The following FRMD4B variants were observed in gnomAD, a reference collection of about 807,000 sequenced individuals.
FRMD4B encodes FERM domain-containing protein 4B.
In FRMD4B, 74 loss-of-function variants were observed where a neutral mutation model predicts 141.5. The ratio of observed to expected loss-of-function variants is 0.52; its 90% CI spans 0.43 to 0.63. The LOEUF (loss-of-function observed/expected upper bound fraction) is 0.63. Among genes scored for constraint, FRMD4B ranks in the 30% least tolerant of loss-of-function variants. The probability of loss-of-function intolerance (pLI) is 0.00; values close to 1 mark genes in which losing one functional copy is unlikely to be tolerated. For synonymous variants in FRMD4B, 506 were observed against 467.9 expected (o/e 1.08, Z -1.05); for missense variants, 1,366 against 1,253.4 (o/e 1.09, Z -1.36).
intron 10 of FRMD4B, 74 bp from the exon 11 acceptor site, chr3:69,216,423 T>C: frequency 1.4e-6 from 1 of 690,140 alleles, no homozygotes; most frequent in African/African-American, 1.8e-5. Context: ...TTTACCAATT[T>C]CACCTCTTTT....
At position 69,181,001 on chromosome 3, in the gene FRMD4B, G is replaced by T. The variant is rs753553130; in HGVS notation, c.2749C>A (p.Gln917Lys). 1 of 1,614,022 alleles carries T rather than the reference G, an allele frequency of 6.2e-7. No homozygotes were observed. Among genetic ancestry groups the T allele is most frequent in the Non-Finnish European group, 8.5e-7 (1 of 1,179,866 alleles). ...CCCCTGTCTGAGTCAAAGCTGGTCT[G>T]CGGGCTGTGTCCCTGATCCTTCTGC... is the stretch of plus-strand genomic sequence containing the variant. ...SGQKDQGHSP[Q>K]TSFDSDRGSQ... Residue 917 changes from glutamine to lysine, a missense_variant, in exon 21 of 23, where the codon CAG becomes AAG. Transcript: ENST00000398540.
Position 69,458,876 on chromosome 3 carries a change from A to G in FRMD4B, c.-128-26115T>C, listed in dbSNP as rs988791196. ...AAAAAAAAAAAAAAAAAAAAAAAGG[A>G]GTCTAATTTGCTCCAAAGACCCACC... On this transcript the variant is annotated intron_variant, in intron 1 of 5. Transcript: ENST00000459638. 1.3e-3 allele frequency among the ~76,000 whole-genome samples: 182 copies of G among 138,352 alleles called. 2 individuals are homozygous for G. The highest frequency in any genetic ancestry group is 4.4e-3 in the African/African-American group (164 of 36,876). The allele number at this position is 138,352 out of a possible 152,430, so 90.8% of individuals were successfully genotyped here. A position where few individuals can be genotyped will look rare whatever the true frequency, so the allele number is the denominator to read the frequency against.
intron 5 of FRMD4B, among the ~76,000 whole-genome samples, chr3:69,250,932 G>A (rs79015725): frequency 0.03 from 4,513 of 151,398 alleles, 253 homozygotes; most frequent in African/African-American, 0.1. Flanking sequence ...TACCAAAAAA[G>A]AAAAAAGCTT....
intron 9 of FRMD4B, among the ~76,000 whole-genome samples, chr3:69,219,830 T>C (rs1369938684): frequency 6.6e-6 from 1 of 152,190 alleles, no homozygotes; most frequent in East Asian, 1.9e-4. Flanking sequence ...TCTCCATGTG[T>C]TCTCATTGTT....
At chr3:69,447,415 G>A (rs1705425672) in intron 1 of FRMD4B, among the ~76,000 whole-genome samples, 1 of 152,026 alleles carries the variant, frequency 6.6e-6, no homozygotes, top group Non-Finnish European at 1.5e-5. Flanking sequence ...ATTGAAGAAG[G>A]CATTTAAAAA....
At chr3:69,444,060 C>G (rs9868298) in intron 1 of FRMD4B, among the ~76,000 whole-genome samples, 1,579 of 152,334 alleles carry the variant, frequency 0.01, 27 homozygotes, top group African/African-American at 0.035. Context: ...CACCCAGAGG[C>G]TGACAGCACA....
rs7641024 is a variant in FRMD4B at position 69,180,213 on chromosome 3, T to C, written c.2851+686A>G. ...GAGTTTGAGACCAGCCTGGGCAACA[T>C]AGCAAGACCCAACCTAAGCCTCCTT... On this transcript the variant is annotated intron_variant, in intron 21 of 22. Coordinates refer to ENST00000398540, the MANE Select transcript of FRMD4B (RefSeq NM_015123.3). Among the ~76,000 whole-genome samples, 316 of 119,516 alleles carry C rather than the reference T, an allele frequency of 2.6e-3. 2 individuals are homozygous for C. The highest frequency in any genetic ancestry group is 0.011 in the African/African-American group (298 of 28,226). 78.4% of individuals were successfully genotyped at this position (119,516 alleles called of 152,430 possible). A position where few individuals can be genotyped will look rare whatever the true frequency, so the allele number is the denominator to read the frequency against.
At chr3:69,227,908 TG>T (rs2093269873) in intron 7 of FRMD4B, among the ~76,000 whole-genome samples, 1 of 149,686 alleles carries the variant, frequency 6.7e-6, no homozygotes, top group African/African-American at 2.5e-5. Context: ...GGGGAAACAG[TG>T]GGGGTGGGGA....
intron 2 of FRMD4B, among the ~76,000 whole-genome samples, chr3:69,415,064 C>T (rs1321732027): frequency 6.6e-6 from 1 of 151,648 alleles, no homozygotes; most frequent in Non-Finnish European, 1.5e-5. Context: ...TGGGGTTTCA[C>T]TATGTTGGTC....
chr3:69,520,806 A>G (rs994192057), intron 1 of FRMD4B, among the ~76,000 whole-genome samples: 1 of 152,094 alleles, frequency 6.6e-6, no homozygotes, highest in Non-Finnish European at 1.5e-5. Context: ...CAGGCACCCA[A>G]GCTCTTAGAC....
chr3:69,353,161 A>G lies in FRMD4B; in HGVS notation c.162+32667T>C, dbSNP rs529872973. On this transcript the variant is annotated intron_variant, in intron 1 of 22. Transcript: ENST00000398540. ...GGAAAGGGTGATGAAGTGGAATTAC[A>G]TACTTCATATTTGCCAAAGTTCTAA... Among the ~76,000 whole-genome samples the G allele has an allele frequency of 3.6e-4, 55 of 152,284 alleles. No individual in the cohort carries two copies. The East Asian group carries it at 0.01, about 29-fold the overall frequency.
At chr3:69,187,552 A>T (rs4593035) in intron 19 of FRMD4B, among the ~76,000 whole-genome samples, 124,835 of 143,614 alleles carry the variant, frequency 0.87, 56,061 homozygotes, top group Non-Finnish European at 0.99. Flanking sequence ...AAAAAAAAAA[A>T]ATATATATAT....
intron 1 of FRMD4B, among the ~76,000 whole-genome samples, chr3:69,442,987 G>C (rs577873525): frequency 1.7e-4 from 26 of 152,320 alleles, no homozygotes; most frequent in African/African-American, 6.3e-4. Flanking sequence ...ATTGGGGTGA[G>C]AGAAGCATCT....
At chr3:69,344,343 G>T (rs1349927617) in intron 1 of FRMD4B, among the ~76,000 whole-genome samples, 1 of 152,170 alleles carries the variant, frequency 6.6e-6, no homozygotes, top group Admixed American at 6.5e-5. Flanking sequence ...AAAGAAGGGG[G>T]AGAAAAAGGA....
chr3:69,416,451 T>G (rs1704862634), intron 2 of FRMD4B, among the ~76,000 whole-genome samples: 1 of 152,172 alleles, frequency 6.6e-6, no homozygotes, highest in Non-Finnish European at 1.5e-5. Flanking sequence ...CAGCTGAGAA[T>G]ATAAATTATA....
intron 5 of FRMD4B, 141 bp from the exon 6 acceptor site, chr3:69,250,240 G>A (rs117811867): frequency 1.4e-6 from 1 of 721,540 alleles, no homozygotes; most frequent in Non-Finnish European, 2.5e-6. Context: ...AGGGGAAAGT[G>A]GGGGGTGTGG....
intron 2 of FRMD4B, among the ~76,000 whole-genome samples, chr3:69,425,238 A>G (rs1705056503): frequency 6.6e-6 from 1 of 152,220 alleles, no homozygotes; most frequent in African/African-American, 2.4e-5. Context: ...TGCATTGGCC[A>G]GAAAGGACAT....
intron 1 of FRMD4B, among the ~76,000 whole-genome samples, chr3:69,349,667 T>C (rs1241378168): frequency 1.3e-5 from 2 of 151,712 alleles, no homozygotes; most frequent in East Asian, 1.9e-4. Context: ...AGAAATAATA[T>C]CACACATCTA....
Position 69,187,919 on chromosome 3 carries a change from TATA to T in FRMD4B, c.1772-5_1772-3del. 1 of 1,542,398 alleles carries T rather than the reference TATA, an allele frequency of 6.5e-7. No individual in the cohort carries two copies. The highest frequency in any genetic ancestry group is 8.8e-7 in the Non-Finnish European group (1 of 1,131,972). On this transcript the variant is annotated splice_polypyrimidine_tract_variant and splice_region_variant and intron_variant, in intron 18 of 22. Coordinates refer to ENST00000398540, the MANE Select transcript of FRMD4B (RefSeq NM_015123.3). The stretch of plus-strand genomic sequence containing the variant: ...CAGGAAAAGTGAAGGCATCACTGGC[TATA>T]ATAAGTAAATGGGTGAATGAAAAAA...
Sources: gnomAD v4.1 joint callset for allele counts (sites outside exome capture counted in the v4.1 genomes callset) on GRCh38, gnomAD v4.1.1 for gene constraint, MANE v1.5 for transcripts, NCBI Gene and HGNC (gene_info 2026-07-23, HGNC 2026-07-21) for gene names.